Variants in AKAP3 observed in about 807,000 individuals in gnomAD.
The protein encoded by AKAP3 is A-kinase anchor protein 3.
In AKAP3, 27 loss-of-function variants were observed where a neutral mutation model predicts 57.2. The ratio of observed to expected loss-of-function variants is 0.47; its 90% CI spans 0.35 to 0.65. AKAP3 has a LOEUF of 0.65. AKAP3 is among the 30% of genes least tolerant of loss of function. The pLI is 0.01. For missense variants in AKAP3, 959 were observed against 1,040.0 expected (o/e 0.92, Z 1.07); for synonymous variants, 334 against 392.3 (o/e 0.85, Z 1.76).
intron 4 of AKAP3, among the ~76,000 whole-genome samples, chr12:4,630,862 T>C (rs1165539543): frequency 6.6e-6 from 1 of 152,256 alleles, no homozygotes; most frequent in African/African-American, 2.4e-5. Flanking sequence ...ATGTGTCTTT[T>C]GAACCTCACC....
rs747174463 is a variant in AKAP3, at chr12:4,627,134, G to A, written c.1768C>T (p.Leu590=). ...ATGAAATTAAAGAAAACACTCCTTAGGTCCTTCTTTTCTGCTTGTTCTTGG... is the reference window on the plus strand; with the variant it reads ...ATGAAATTAAAGAAAACACTCCTTAAGTCCTTCTTTTCTGCTTGTTCTTGG... ...GDQEQAEKKD[L]RSVFFNFIRN... The change falls in exon 5 of 6, where the codon CTA becomes TTA. Residue 590 remains leucine (L), a synonymous_variant. Coordinates refer to ENST00000228850, the MANE Select transcript of AKAP3 (RefSeq NM_001278309.2). 1.2e-6 allele frequency: 2 copies of A among 1,614,100 alleles called. No individual in the cohort carries two copies. The highest frequency in any genetic ancestry group is 1.7e-6 in the Non-Finnish European group (2 of 1,180,038).
intron 1 of AKAP3, chr12:4,648,479 T>C (rs1945725873): frequency 6.6e-6 from 1 of 152,262 alleles, no homozygotes; most frequent in South Asian, 2.1e-4. Flanking sequence ...CAGAGAAGTT[T>C]TATCCGAAGA....
At chr12:4,642,539 T>C (rs750983584) in intron 2 of AKAP3, among the ~76,000 whole-genome samples, 4 of 152,242 alleles carry the variant, frequency 2.6e-5, no homozygotes, top group African/African-American at 4.8e-5. Flanking sequence ...ACTCTCTTCT[T>C]GAATATCCAC....
At chr12:4,630,463 G>GAAAGA (rs765540169) in intron 4 of AKAP3, among the ~76,000 whole-genome samples, 91 of 140,274 alleles carry the variant, frequency 6.5e-4, no homozygotes, top group South Asian at 1.9e-3. Context: ...TGATTACTTG[G>GAAAGA]AAAGAAAAGA....
intron 4 of AKAP3, among the ~76,000 whole-genome samples, chr12:4,636,310 C>T (rs982093800): frequency 2.0e-5 from 3 of 152,202 alleles, no homozygotes; most frequent in Non-Finnish European, 4.4e-5. Flanking sequence ...GCCCGTAGGA[C>T]GAGAGTGTGT....
intron 2 of AKAP3, among the ~76,000 whole-genome samples, chr12:4,644,562 A>C (rs568391618): frequency 6.6e-6 from 1 of 152,330 alleles, no homozygotes; most frequent in South Asian, 2.1e-4. Flanking sequence ...GTTTGACTTT[A>C]AAGCTGCTGA....
intron 4 of AKAP3, among the ~76,000 whole-genome samples, chr12:4,637,407 C>T (rs1183793990): frequency 6.6e-6 from 1 of 152,166 alleles, no homozygotes; most frequent in Non-Finnish European, 1.5e-5. Context: ...GGAGAGCGAG[C>T]TCTTGTGAGT....
intron 4 of AKAP3, among the ~76,000 whole-genome samples, chr12:4,635,163 G>C (rs1447349204): frequency 6.6e-6 from 1 of 152,082 alleles, no homozygotes; most frequent in Non-Finnish European, 1.5e-5. Flanking sequence ...ATTAGTAAGA[G>C]GGACCCATGC....
intron 1 of AKAP3, 173 bp downstream of exon 1, chr12:4,648,572 C>G (rs553932053): frequency 6.6e-6 from 1 of 152,422 alleles, no homozygotes; most frequent in African/African-American, 2.4e-5. Flanking sequence ...CGCAAGGGTC[C>G]CTATGAGAGA....
At chr12:4,618,676 C>T (rs374538999) in intron 5 of AKAP3, among the ~76,000 whole-genome samples, 1 of 152,214 alleles carries the variant, frequency 6.6e-6, no homozygotes, top group African/African-American at 2.4e-5. Flanking sequence ...TAACCCCTTT[C>T]TCTGTTGTGA....
At chr12:4,641,285 T>G (rs61909960) in intron 3 of AKAP3, among the ~76,000 whole-genome samples, 2,607 of 152,184 alleles carry the variant, frequency 0.017, 29 homozygotes, top group Non-Finnish European at 0.027. Flanking sequence ...ATAGAAGGAT[T>G]GGATTAAAAT....
Position 4,628,110 on chromosome 12 carries a change from C to T in AKAP3, c.792G>A (p.Glu264=). 6.2e-7 allele frequency: 1 copy of T among 1,614,176 alleles called. No homozygotes were observed. Among genetic ancestry groups the T allele is most frequent in the Middle Eastern group, 1.6e-4 (1 of 6,062 alleles). ...TTTCCTGCCCTCGAAACCTCTTTCT[C>T]TCCCGAGGAAAGAACCTTCCACCCT... ...AREGGRFFPR[E]RKRFRGQERP... is the part of the protein sequence containing the mutation. The change falls in exon 5 of 6, where the codon GAG becomes GAA. Residue 264 remains glutamate, a synonymous_variant. Coordinates refer to ENST00000228850, the MANE Select transcript of AKAP3 (RefSeq NM_001278309.2).
At chr12:4,639,397 G>T (rs1011463534) in intron 3 of AKAP3, among the ~76,000 whole-genome samples, 1 of 151,608 alleles carries the variant, frequency 6.6e-6, no homozygotes, top group Admixed American at 6.6e-5. Flanking sequence ...CTTTTGGGGG[G>T]TGCAGTAATA....
rs1015988743 is a variant in AKAP3, at chr12:4,627,462, T to C, written c.1440A>G (p.Glu480=). 1 of 1,614,066 alleles carries C rather than the reference T, an allele frequency of 6.2e-7. No individual in the cohort carries two copies. The highest frequency in any genetic ancestry group is 8.5e-7 in the Non-Finnish European group (1 of 1,179,992). ...CAGGCTTACGCTGTGTGTTGGGAGC[T>C]TCAAATGCTGCATGCTGGAAACCTA... ...KSLGFQHAAF[E]APNTQRKPAS... The change falls in exon 5 of 6, where the codon GAA becomes GAG. Residue 480 remains glutamate (E), a synonymous_variant. Transcript: ENST00000228850.
chr12:4,637,515 A>G (rs991213260), intron 4 of AKAP3, among the ~76,000 whole-genome samples: 1 of 152,086 alleles, frequency 6.6e-6, no homozygotes, highest in East Asian at 1.9e-4. Context: ...GTCCTCTTTT[A>G]TGCCTTTTAG....
Position 4,628,823 on chromosome 12 carries a change from A to T in AKAP3, c.97-18T>A. On this transcript the variant is annotated intron_variant, in intron 4 of 5. Coordinates refer to ENST00000228850, the MANE Select transcript of AKAP3 (RefSeq NM_001278309.2). ...GAGGTGTCCTTAAAAATAGACAAGGATTCATCTGACTATAACAAAGTAAAG... is the reference window on the plus strand; with the variant it reads ...GAGGTGTCCTTAAAAATAGACAAGGTTTCATCTGACTATAACAAAGTAAAG... 2 of 1,588,436 alleles carry T rather than the reference A, an allele frequency of 1.3e-6. No individual in the cohort carries two copies. The highest frequency in any genetic ancestry group is 8.6e-7 in the Non-Finnish European group (1 of 1,163,170).
chr12:4,633,177 T>C (rs116835900), intron 4 of AKAP3, among the ~76,000 whole-genome samples: 758 of 150,840 alleles, frequency 5.0e-3, no homozygotes, highest in African/African-American at 0.017. Flanking sequence ...GTCCCATCAC[T>C]TTGGGAGGCT....
At chr12:4,645,731 G>A (rs11615397) in intron 1 of AKAP3, 3,772 of 152,258 alleles carry the variant, frequency 0.025, 55 homozygotes, top group African/African-American at 0.032. Context: ...CCATTTACCT[G>A]CTGTGTGGCC....
In AKAP3 at chr12:4,626,282, C is replaced by A. The variant is rs144320677; in HGVS notation, c.2406+214G>T. 3.3e-5 allele frequency among the ~76,000 whole-genome samples: 5 copies of A among 152,312 alleles called. No individual in the cohort carries two copies. The East Asian group carries it at 9.7e-4, about 29-fold the overall frequency. On this transcript the variant is annotated intron_variant, in intron 5 of 5. Coordinates refer to ENST00000228850, the MANE Select transcript of AKAP3 (RefSeq NM_001278309.2). ...CTAAACGCAGAAAACAGAAACATAT[C>A]ATTTATCCCCCTGTTCCCCTTTGAT...
Sources: gnomAD v4.1 joint callset for allele counts (sites outside exome capture counted in the v4.1 genomes callset) on GRCh38, gnomAD v4.1.1 for gene constraint, MANE v1.5 for transcripts, NCBI Gene and HGNC (gene_info 2026-07-23, HGNC 2026-07-21) for gene names.